Variants in STEAP3 observed in about 807,000 individuals in gnomAD.
The protein encoded by STEAP3 is STEAP3 metalloreductase.
A neutral mutation model predicts 34.9 loss-of-function variants in STEAP3; 35 were observed. The observed-to-expected ratio is 1.00, with a 90% CI of 0.76 to 1.33. STEAP3 has a LOEUF of 1.33. Ranked by LOEUF, STEAP3 falls within the 40% of genes most tolerant of loss-of-function variation. STEAP3 has a pLI of 0.00. For synonymous variants in STEAP3, 281 were observed against 301.6 expected, an observed-to-expected ratio of 0.93 and a Z score of 0.71; for missense variants, 652 against 667.6, an observed-to-expected ratio of 0.98 and a Z score of 0.26.
Position 119,247,789 on chromosome 2 carries a change from G to A in STEAP3, c.633G>A (p.Val211=). 1 of 1,610,112 alleles carries A rather than the reference G, an allele frequency of 6.2e-7. No individual in the cohort carries two copies. The highest frequency in any genetic ancestry group is 8.5e-7 in the Non-Finnish European group (1 of 1,179,504). The stretch of plus-strand genomic sequence containing the variant: ...GATCCCTGGCGTCAGCCTGGGAGGT[G>A]GAGGCCATGCCCCTGCGCCTCCTCC... ...DMGSLASAWE[V]EAMPLRLLPA... Residue 211 remains valine, a synonymous_variant, in exon 4 of 6, where the codon GTG becomes GTA. Coordinates refer to ENST00000393110, the MANE Select transcript of STEAP3 (RefSeq NM_182915.3).
chr2:119,242,475 C>A (rs1209859930), intron 2 of STEAP3, among the ~76,000 whole-genome samples: 1 of 152,214 alleles, frequency 6.6e-6, no homozygotes, highest in African/African-American at 2.4e-5. Flanking sequence ...AGCCCTGAGG[C>A]CATCTGCAAG....
intron 5 of STEAP3, among the ~76,000 whole-genome samples, chr2:119,256,219 A>G (rs1436826632): frequency 6.6e-6 from 1 of 152,242 alleles, no homozygotes; most frequent in African/African-American, 2.4e-5. Context: ...ATCCATTGGA[A>G]CAACACAGAG....
intron 2 of STEAP3, among the ~76,000 whole-genome samples, chr2:119,237,464 T>TC (rs1677124738): frequency 6.6e-6 from 1 of 151,906 alleles, no homozygotes; most frequent in African/African-American, 2.4e-5. Flanking sequence ...TCCTCTGCCC[T>TC]CCCCCCAGCC....
intron 4 of STEAP3, chr2:119,248,454 C>T (rs1677520638): frequency 5.7e-6 from 3 of 526,748 alleles, no homozygotes; most frequent in African/African-American, 3.8e-5. Context: ...AAACAAAATA[C>T]AGCAGTGAGT....
At chr2:119,235,297 A>C (rs1372051633) in intron 2 of STEAP3, among the ~76,000 whole-genome samples, 4 of 152,190 alleles carry the variant, frequency 2.6e-5, no homozygotes, top group Admixed American at 2.6e-4. Context: ...GAGCATATGC[A>C]TGTGACCCTC....
chr2:119,248,766 C>T (rs1677531555), intron 4 of STEAP3: 1 of 152,660 alleles, frequency 6.6e-6, no homozygotes, highest in African/African-American at 2.4e-5. Context: ...CAGCCTTAGG[C>T]TCCGAGTGAA....
chr2:119,250,853 G>A (rs923935811), intron 4 of STEAP3, among the ~76,000 whole-genome samples: 4 of 152,146 alleles, frequency 2.6e-5, no homozygotes, highest in Non-Finnish European at 5.9e-5. Context: ...TGCAGGCCCT[G>A]GTGAGGTTGC....
chr2:119,262,807 G>A (rs1677980922), intron 5 of STEAP3, among the ~76,000 whole-genome samples: 1 of 152,170 alleles, frequency 6.6e-6, no homozygotes, highest in South Asian at 2.1e-4. Context: ...CGTGTGAATT[G>A]GTGGGTCCTT....
intron 2 of STEAP3, among the ~76,000 whole-genome samples, chr2:119,235,456 G>A (rs1157490084): frequency 2.0e-5 from 3 of 152,246 alleles, no homozygotes; most frequent in Non-Finnish European, 4.4e-5. Flanking sequence ...GCATGCAAGT[G>A]AGTGGTTAGT....
intron 2 of STEAP3, among the ~76,000 whole-genome samples, chr2:119,235,396 GC>G: frequency 6.6e-6 from 1 of 152,128 alleles, no homozygotes; most frequent in Non-Finnish European, 1.5e-5. Flanking sequence ...TGGGAGCTGG[GC>G]CAACTGTAAA....
At chr2:119,253,343 G>T (rs934536955) in intron 4 of STEAP3, among the ~76,000 whole-genome samples, 1 of 152,166 alleles carries the variant, frequency 6.6e-6, no homozygotes, top group Non-Finnish European at 1.5e-5. Context: ...TTCACAGATT[G>T]CAGGAAAAGC....
chr2:119,257,527 C>G, intron 5 of STEAP3: 1 of 1,544,976 alleles, frequency 6.5e-7, no homozygotes, highest in Non-Finnish European at 8.7e-7. Flanking sequence ...TCCCAAGACC[C>G]CCACTTACCT....
At position 119,230,786 on chromosome 2, in the gene STEAP3, A is replaced by G; in HGVS notation, c.-227A>G. On this transcript the variant is annotated 5_prime_UTR_variant, in exon 2 of 6. Coordinates refer to ENST00000393110, the MANE Select transcript of STEAP3 (RefSeq NM_182915.3). Reference sequence around the variant, plus strand: ...GCTCTCTCAGTGCACTCTCCAACCAAGCATCAGTCACCACTCCCGGTCCAG... The same window carrying G: ...GCTCTCTCAGTGCACTCTCCAACCAGGCATCAGTCACCACTCCCGGTCCAG... 1.6e-6 allele frequency: 1 copy of G among 618,330 alleles called. No individual in the cohort carries two copies. Among genetic ancestry groups the G allele is most frequent in the Non-Finnish European group, 2.9e-6 (1 of 341,946 alleles). 38.3% of individuals were successfully genotyped at this position (618,330 alleles called of 1,614,324 possible).
intron 5 of STEAP3, chr2:119,257,518 C>T (rs1045697976): frequency 3.2e-6 from 5 of 1,545,474 alleles, no homozygotes; most frequent in Admixed American, 4.0e-5. Flanking sequence ...GAATCTCAGT[C>T]CCAAGACCCC....
intron 5 of STEAP3, among the ~76,000 whole-genome samples, chr2:119,260,612 G>T (rs187808426): frequency 1.3e-5 from 2 of 152,308 alleles, no homozygotes; most frequent in African/African-American, 4.8e-5. Context: ...TATTCTTGAT[G>T]GTCAGTGCTG....
At chr2:119,243,390 G>A (rs183007015) in intron 2 of STEAP3, among the ~76,000 whole-genome samples, 6 of 152,284 alleles carry the variant, frequency 3.9e-5, no homozygotes, top group Admixed American at 2.6e-4. Flanking sequence ...GCAGTAAGAC[G>A]GAGTGAGGCT....
intron 5 of STEAP3, chr2:119,257,811 G>A (rs946820053): frequency 1.8e-5 from 21 of 1,149,176 alleles, no homozygotes; most frequent in Admixed American, 4.1e-5. Flanking sequence ...CATGGTTCTT[G>A]AGGGGCCTTG....
intron 2 of STEAP3, among the ~76,000 whole-genome samples, chr2:119,240,698 G>A (rs146406245): frequency 6.6e-6 from 1 of 152,340 alleles, no homozygotes; most frequent in East Asian, 1.9e-4. Flanking sequence ...CAGGACACCC[G>A]ATCCTCCATG....
chr2:119,249,663 T>G (rs1215383080), intron 4 of STEAP3, among the ~76,000 whole-genome samples: 2 of 152,076 alleles, frequency 1.3e-5, no homozygotes, highest in Admixed American at 6.5e-5. Flanking sequence ...TTGGCAGGAC[T>G]GGGAAGCAGG....
Sources: allele counts gnomAD v4.1 joint callset (sites outside exome capture counted in the v4.1 genomes callset), GRCh38; gene constraint gnomAD v4.1.1; transcripts MANE v1.5; gene names NCBI Gene and HGNC (gene_info 2026-07-23, HGNC 2026-07-21).